The following CCDC28A variants were observed in gnomAD, a reference collection of about 807,000 sequenced individuals.
The protein encoded by CCDC28A is coiled-coil domain-containing protein 28A.
CCDC28A carries 24 observed loss-of-function variants against 22.1 expected under a neutral mutation model. That is an observed-to-expected ratio of 1.09 (90% CI 0.79 to 1.53). The LOEUF (loss-of-function observed/expected upper bound fraction) is 1.53, where lower values mean the gene tolerates loss of function less well. CCDC28A is among the 40% of genes most tolerant of loss of function. The probability of loss-of-function intolerance (pLI) is 0.00; values close to 1 mark genes in which losing one functional copy is unlikely to be tolerated. For synonymous variants in CCDC28A, 83 were observed against 74.7 expected (o/e 1.11, Z -0.57); for missense variants, 170 against 210.7 (o/e 0.81, Z 1.20).
chr6:138,792,438 C>T (rs1342961885), intron 5 of CCDC28A, among the ~76,000 whole-genome samples: 1 of 151,880 alleles, frequency 6.6e-6, no homozygotes, highest in Non-Finnish European at 1.5e-5. Context: ...GGGAGGATTG[C>T]TTGAGCCCAG....
At chr6:138,784,533 A>C (rs1216902784) in intron 3 of CCDC28A, among the ~76,000 whole-genome samples, 1 of 150,936 alleles carries the variant, frequency 6.6e-6, no homozygotes, top group Non-Finnish European at 1.5e-5. Flanking sequence ...GTTTTTTAAA[A>C]AATTTTTTTG....
intron 1 of CCDC28A, 145 bp downstream of exon 1, chr6:138,774,047 C>T (rs1263972935): frequency 5.1e-6 from 5 of 976,910 alleles, no homozygotes; most frequent in Non-Finnish European, 6.0e-6. Context: ...AGAGGGATGC[C>T]CAGTGGTACT....
chr6:138,788,988 A>G (rs1016447887), intron 5 of CCDC28A, among the ~76,000 whole-genome samples: 1 of 152,200 alleles, frequency 6.6e-6, no homozygotes, highest in Non-Finnish European at 1.5e-5. Flanking sequence ...TTTTAGGTGC[A>G]TAAAATTGAA....
chr6:138,792,636 T>C, intron 5 of CCDC28A, 113 bp from the exon 6 acceptor site: 12 of 719,984 alleles, frequency 1.7e-5, no homozygotes, highest in African/African-American at 7.0e-5. Flanking sequence ...GCTTTTCCTT[T>C]GAACATATCT....
intron 3 of CCDC28A, among the ~76,000 whole-genome samples, chr6:138,780,587 T>C (rs989692864): frequency 6.6e-6 from 1 of 150,718 alleles, no homozygotes; most frequent in Admixed American, 6.6e-5. Context: ...TTTTTTTTTT[T>C]TTTTTGAGAC....
At chr6:138,792,281 C>A (rs1276699484) in intron 5 of CCDC28A, among the ~76,000 whole-genome samples, 1 of 152,142 alleles carries the variant, frequency 6.6e-6, no homozygotes, top group Non-Finnish European at 1.5e-5. Context: ...GTAATCCCAG[C>A]ACTTTGGGAG....
intron 1 of CCDC28A, among the ~76,000 whole-genome samples, chr6:138,774,407 T>G (rs1774893934): frequency 1.3e-5 from 2 of 152,222 alleles, no homozygotes; most frequent in Non-Finnish European, 2.9e-5. Flanking sequence ...TCGTCTCTAT[T>G]CAGTCATCTT....
chr6:138,781,091 C>G (rs1022447665), intron 3 of CCDC28A, among the ~76,000 whole-genome samples: 4 of 152,090 alleles, frequency 2.6e-5, no homozygotes, highest in Non-Finnish European at 4.4e-5. Context: ...TCCCCTCATC[C>G]CAGCCATTTG....
intron 5 of CCDC28A, among the ~76,000 whole-genome samples, chr6:138,790,557 A>C (rs1479559306): frequency 6.6e-6 from 1 of 152,242 alleles, no homozygotes; most frequent in Non-Finnish European, 1.5e-5. Context: ...ACATAGCAGC[A>C]TAATACCCTA....
Position 138,773,824 on chromosome 6 carries a change from T to C in CCDC28A, c.-121T>C, listed in dbSNP as rs766978132. 6.2e-7 allele frequency: 1 copy of C among 1,614,128 alleles called. No homozygotes were observed. On this transcript the variant is annotated 5_prime_UTR_variant, in exon 1 of 6. Transcript: ENST00000617445. ...CCCGGGATGTGACCGGGGCTCTGCT[T>C]GTGGCTGCGGCGGTGGCTTCTGAGG...
chr6:138,779,867 CGCT>C lies in CCDC28A; in HGVS notation c.205_207del (p.Ala69del). On this transcript the variant is annotated inframe_deletion, in exon 3 of 6. Coordinates refer to ENST00000617445, the MANE Select transcript of CCDC28A (RefSeq NM_015439.3). ...AACCTCAGGGTGGAGAGGGCAAAGG[CGCT>C]CAGTCAACTCCGATCCAGCACTCCT... 6.2e-7 allele frequency: 1 copy of C among 1,613,654 alleles called. No homozygotes were observed. The highest frequency in any genetic ancestry group is 2.2e-5 in the East Asian group (1 of 44,864).
intron 1 of CCDC28A, among the ~76,000 whole-genome samples, chr6:138,775,843 A>G (rs1343413353): frequency 6.6e-6 from 1 of 152,156 alleles, no homozygotes; most frequent in Non-Finnish European, 1.5e-5. Context: ...TTGTAGGATG[A>G]AGAAATAAAG....
Position 138,792,839 on chromosome 6 carries a change from G to C in CCDC28A, c.*36G>C, listed in dbSNP as rs375865096. On this transcript the variant is annotated 3_prime_UTR_variant, in exon 6 of 6. Transcript: ENST00000617445. ...AGTTTGCTTTCTTGTGATTTGAAGA[G>C]AAGCAGCAGTCTTTACTTTTCCAGC... 81 of 1,418,114 alleles carry C rather than the reference G, an allele frequency of 5.7e-5. No individual in the cohort carries two copies. The highest frequency in any genetic ancestry group is 7.7e-5 in the Non-Finnish European group (78 of 1,009,880). The allele number at this position is 1,418,114 out of a possible 1,614,324, so 87.8% of individuals were successfully genotyped here.
chr6:138,781,512 C>T (rs763628624), intron 3 of CCDC28A, among the ~76,000 whole-genome samples: 1 of 152,074 alleles, frequency 6.6e-6, no homozygotes. Context: ...AGAACAATAC[C>T]GCACTTCTAG....
intron 5 of CCDC28A, among the ~76,000 whole-genome samples, chr6:138,788,949 T>C (rs1023594827): frequency 2.0e-5 from 3 of 152,170 alleles, no homozygotes; most frequent in Admixed American, 6.5e-5. Flanking sequence ...AGAGATAATA[T>C]ACTATACTTA....
intron 5 of CCDC28A, among the ~76,000 whole-genome samples, chr6:138,791,521 C>A (rs929691490): frequency 2.6e-5 from 4 of 152,120 alleles, no homozygotes; most frequent in African/African-American, 7.2e-5. Context: ...TTTAAAGGTT[C>A]TTAATAATTT....
At chr6:138,791,219 G>A (rs933891255) in intron 5 of CCDC28A, among the ~76,000 whole-genome samples, 6 of 152,094 alleles carry the variant, frequency 3.9e-5, no homozygotes, top group African/African-American at 1.4e-4. Flanking sequence ...GAGTAGCTGG[G>A]ACTACAGGTG....
intron 5 of CCDC28A, among the ~76,000 whole-genome samples, chr6:138,791,270 C>T (rs1456378636): frequency 4.6e-5 from 7 of 151,374 alleles, no homozygotes; most frequent in Admixed American, 3.3e-4. Flanking sequence ...TTTTAGATAA[C>T]GGGGTCTTGC....
chr6:138,783,197 T>C (rs1219333328), intron 3 of CCDC28A, among the ~76,000 whole-genome samples: 1 of 152,116 alleles, frequency 6.6e-6, no homozygotes, highest in Non-Finnish European at 1.5e-5. Flanking sequence ...TAAATATTTT[T>C]ATTTATATTT....
Sources: gnomAD v4.1 joint callset for allele counts (sites outside exome capture counted in the v4.1 genomes callset) on GRCh38, gnomAD v4.1.1 for gene constraint, MANE v1.5 for transcripts, NCBI Gene and HGNC (gene_info 2026-07-23, HGNC 2026-07-21) for gene names.